Variants in PRKN observed in about 807,000 individuals in gnomAD.
The protein encoded by PRKN is parkin RBR E3 ubiquitin protein ligase.
In PRKN, 56 loss-of-function variants were observed where a neutral mutation model predicts 59.5. The ratio of observed to expected loss-of-function variants is 0.94; its 90% confidence interval spans 0.76 to 1.18. The LOEUF is 1.18. PRKN is among the 50% of genes most tolerant of loss of function. The pLI, the probability that PRKN is intolerant of heterozygous loss-of-function variation, is 0.00. For missense variants in PRKN, 657 were observed against 596.4 expected (o/e 1.10, Z -1.06); for synonymous variants, 250 against 222.1 (o/e 1.13, Z -1.12).
chr6:161,472,534 T>C (rs1029909631), intron 9 of PRKN, among the ~76,000 whole-genome samples: 1 of 152,158 alleles, frequency 6.6e-6, no homozygotes, highest in Admixed American at 6.5e-5. Context: ...GAACTTAACA[T>C]AGGACCTGAA....
chr6:161,752,029 C>A (rs867835003), intron 7 of PRKN, among the ~76,000 whole-genome samples: 1 of 152,146 alleles, frequency 6.6e-6, no homozygotes, highest in Admixed American at 6.5e-5. Flanking sequence ...AAGGAACCTG[C>A]GGAACATTAT....
At chr6:162,058,268 C>CA (rs1489338150) in intron 4 of PRKN, among the ~76,000 whole-genome samples, 4 of 152,216 alleles carry the variant, frequency 2.6e-5, no homozygotes, top group African/African-American at 9.6e-5. Context: ...TTTTCATCTG[C>CA]ATGTATCCCT....
Position 162,472,682 on chromosome 6 carries a change from G to C in PRKN, c.8-29209C>G, listed in dbSNP as rs1328853140. Among the ~76,000 whole-genome samples the C allele has an allele frequency of 4.8e-5, 6 of 125,790 alleles. 1 individual carries two copies. Among genetic ancestry groups the C allele is most frequent in the Admixed American group, 3.4e-4 (4 of 11,854 alleles). The allele number at this position is 125,790 out of a possible 152,430, so 82.5% of individuals were successfully genotyped here. ...TTTTTTTTGTATTTTTAGTAGAGAC[G>C]GGGTTTCACCTTGTTAGCCAGGATG... On this transcript the variant is annotated intron_variant, in intron 1 of 11. Transcript: ENST00000366898.
chr6:162,713,591 TATC>T (rs1290612278), intron 1 of PRKN, among the ~76,000 whole-genome samples: 1 of 149,350 alleles, frequency 6.7e-6, no homozygotes, highest in Non-Finnish European at 1.5e-5. Context: ...TGTTAAGAAA[TATC>T]ATAGTGTTAT....
chr6:162,365,997 G>A (rs772488176), intron 2 of PRKN, among the ~76,000 whole-genome samples: 3 of 151,984 alleles, frequency 2.0e-5, no homozygotes, highest in East Asian at 1.9e-4. Context: ...GAGATGCCTC[G>A]AAGTAAAATT....
chr6:161,519,919 T>G (rs764967161), intron 9 of PRKN, among the ~76,000 whole-genome samples: 1 of 152,154 alleles, frequency 6.6e-6, no homozygotes, highest in Non-Finnish European at 1.5e-5. Flanking sequence ...GAAGCAGGGT[T>G]TGGTAACAAT....
At chr6:162,591,864 A>G (rs968094641) in intron 1 of PRKN, among the ~76,000 whole-genome samples, 1 of 151,666 alleles carries the variant, frequency 6.6e-6, no homozygotes. Context: ...TCTGACCCAC[A>G]TTCAAATTCC....
At chr6:161,733,654 G>C (rs777472221) in intron 7 of PRKN, among the ~76,000 whole-genome samples, 42 of 151,478 alleles carry the variant, frequency 2.8e-4, no homozygotes, top group Non-Finnish European at 5.2e-4. Flanking sequence ...ATCCCAAAGA[G>C]AGAAAATTTT....
chr6:162,207,706 C>T (rs115905289), intron 3 of PRKN, among the ~76,000 whole-genome samples: 1,563 of 152,254 alleles, frequency 0.01, 29 homozygotes, highest in African/African-American at 0.035. Context: ...GCCCTCAATG[C>T]GCTCACCTTG....
intron 6 of PRKN, among the ~76,000 whole-genome samples, chr6:161,948,944 C>T (rs1055063153): frequency 2.0e-5 from 3 of 152,092 alleles, no homozygotes; most frequent in Non-Finnish European, 4.4e-5. Flanking sequence ...GGAACTTGCC[C>T]CAGAATTTCC....
chr6:162,474,194 C>T lies in PRKN; in HGVS notation c.8-30721G>A, dbSNP rs79689714. ...CATAGTACCATAGGCAGAATATCCACGTTAAACTAATGTTAAGAACGACAA... is the reference window on the plus strand; with the variant it reads ...CATAGTACCATAGGCAGAATATCCATGTTAAACTAATGTTAAGAACGACAA... On this transcript the variant is annotated intron_variant, in intron 1 of 11. Transcript: ENST00000366898. Among the ~76,000 whole-genome samples, 394 of 152,210 alleles carry T rather than the reference C, an allele frequency of 2.6e-3. 2 individuals carry two copies. Among genetic ancestry groups the T allele is most frequent in the African/African-American group, 8.6e-3 (359 of 41,544 alleles).
Position 161,386,721 on chromosome 6 carries a change from C to A in PRKN, c.1167+73G>T, listed in dbSNP as rs543017610. 1.3e-3 allele frequency: 1,480 copies of A among 1,152,444 alleles called. 21 individuals are homozygous for A. Among genetic ancestry groups the A allele is most frequent in the South Asian group, 0.011 (859 of 81,698 alleles). 71.4% of individuals were successfully genotyped at this position (1,152,444 alleles called of 1,614,324 possible). A position where few individuals can be genotyped will look rare whatever the true frequency, so the allele number is the denominator to read the frequency against. ...TTTTTTAGAATGGAACTCTCCATGA[C>A]CTCCAGGAAACGGCTCCAGTCCCCC... is the stretch of plus-strand genomic sequence containing the variant. On this transcript the variant is annotated intron_variant, in intron 10 of 11. Transcript: ENST00000366898. The surrounding 1 kb of genome is among the most constrained non-coding windows in gnomAD (Gnocchi z 4.3).
chr6:161,798,027 C>T (rs1362195743), intron 6 of PRKN, among the ~76,000 whole-genome samples: 1 of 152,106 alleles, frequency 6.6e-6, no homozygotes, highest in Non-Finnish European at 1.5e-5. Context: ...TGGTGAAACC[C>T]TGTCTCTACT....
intron 2 of PRKN, among the ~76,000 whole-genome samples, chr6:162,354,918 GT>G (rs928216976): frequency 1.7e-4 from 26 of 150,688 alleles, no homozygotes; most frequent in African/African-American, 4.6e-4. Flanking sequence ...CATATGAAAG[GT>G]TTTTTTTTAA....
intron 2 of PRKN, among the ~76,000 whole-genome samples, chr6:162,405,902 G>A (rs1788041577): frequency 2.0e-5 from 3 of 152,094 alleles, no homozygotes; most frequent in South Asian, 2.1e-4. Flanking sequence ...GTGGTATGGC[G>A]GCCCTAGCAA....
chr6:161,410,740 G>T lies in PRKN; in HGVS notation c.1084-23863C>A, dbSNP rs150219283. On this transcript the variant is annotated intron_variant, in intron 9 of 11. Transcript: ENST00000366898. This position sits in a 1 kb window ranked among gnomAD's most constrained non-coding sequence, Gnocchi z 5.3. ...TGTGAGGGAGGGGCAACAGTGCCAT[G>T]GGAAATGCATCATTGGTGCTCATGA... Among the ~76,000 whole-genome samples, 1 of 152,258 alleles carries T rather than the reference G, an allele frequency of 6.6e-6. No homozygotes were observed. The highest frequency in any genetic ancestry group is 1.5e-5 in the Non-Finnish European group (1 of 68,016).
intron 5 of PRKN, among the ~76,000 whole-genome samples, chr6:161,988,261 C>T (rs557985022): frequency 4.6e-5 from 7 of 152,040 alleles, no homozygotes; most frequent in South Asian, 2.1e-4. Flanking sequence ...CCGAGGCAGG[C>T]GGATCACCTG....
At chr6:161,732,483 T>TGTGTGTGTGTGTGTGTG (rs1398832020) in intron 7 of PRKN, among the ~76,000 whole-genome samples, 9 of 140,166 alleles carry the variant, frequency 6.4e-5, no homozygotes, top group African/African-American at 2.5e-4. Context: ...GGTTTTTTTT[T>TGTGTGTGTGTGTGTGTG]TTTGTGTGTG....
chr6:162,683,889 C>G (rs1293024594), intron 1 of PRKN, among the ~76,000 whole-genome samples: 1 of 151,998 alleles, frequency 6.6e-6, no homozygotes, highest in Non-Finnish European at 1.5e-5. Flanking sequence ...TCTTCAAAAG[C>G]AGTACCAAAA....
Sources: gnomAD v4.1 joint callset for allele counts (sites outside exome capture counted in the v4.1 genomes callset) on GRCh38, gnomAD v4.1.1 for gene constraint, Gnocchi (gnomAD v3.1) non-coding constraint, MANE v1.5 for transcripts, NCBI Gene and HGNC (gene_info 2026-07-23, HGNC 2026-07-21) for gene names.